TMEM176B: variants seen among roughly 807,000 people sequenced by gnomAD.
The protein encoded by TMEM176B is transmembrane protein 176B.
TMEM176B carries 28 observed loss-of-function variants against 30.3 expected under a neutral mutation model. The observed-to-expected ratio is 0.92, with a 90% CI of 0.68 to 1.27. The LOEUF (loss-of-function observed/expected upper bound fraction) is 1.27, where lower values mean the gene tolerates loss of function less well. Ranked by LOEUF, TMEM176B falls within the 50% of genes most tolerant of loss-of-function variation. TMEM176B has a pLI of 0.00. For missense variants in TMEM176B, 349 were observed against 327.4 expected (o/e 1.07, Z -0.51); for synonymous variants, 123 against 130.3 (o/e 0.94, Z 0.38).
chr7:150,801,290 C>T, upstream of TMEM176B: 1 of 429,650 alleles, frequency 2.3e-6, no homozygotes, highest in Non-Finnish European at 4.1e-6. Context: ...ATGAGGGGGA[C>T]AGAGCAGATC....
intron 3 of TMEM176B, 69 bp from the exon 4 acceptor site, chr7:150,793,669 C>A: frequency 6.6e-7 from 1 of 1,522,590 alleles, no homozygotes; most frequent in Non-Finnish European, 9.0e-7. Flanking sequence ...ACCCTCCCAC[C>A]AGCAGTTCCC....
rs113658128 is a variant in TMEM176B, at chr7:150,796,539, C to T, written c.31G>A (p.Val11Ile). The T allele has an allele frequency of 1.9e-5, 31 of 1,614,190 alleles. 1 individual carries two copies. Among genetic ancestry groups the T allele is most frequent in the African/African-American group, 1.7e-4 (13 of 75,068 alleles). Residue 11 changes from valine (V) to isoleucine (I), a missense_variant, in exon 2 of 7, where the codon GTT (valine) becomes ATT (isoleucine). Physicochemically the swap from Val to Ile is conservative, Grantham distance 29. Coordinates refer to ENST00000326442, the MANE Select transcript of TMEM176B (RefSeq NM_001101312.2). The part of the protein sequence containing the change: MTQNTVIVNG[V>I]AMASRPSQPT... ...TGGGATGGCCTAGAGGCCATAGCAACTCCATTCACAATCACCGTGTTTTGC... is the reference window on the plus strand; with the variant it reads ...TGGGATGGCCTAGAGGCCATAGCAATTCCATTCACAATCACCGTGTTTTGC...
intron 1 of TMEM176B, among the ~76,000 whole-genome samples, chr7:150,799,123 C>G (rs10230657): frequency 0.48 from 72,941 of 152,126 alleles, 17,921 homozygotes; most frequent in African/African-American, 0.58. Context: ...GACCAACCTT[C>G]GCCGTTGGGA....
chr7:150,793,543 C>T lies in TMEM176B; in HGVS notation c.372+1G>A. The T allele has an allele frequency of 6.2e-7, 1 of 1,613,272 alleles. No homozygotes were observed. The highest frequency in any genetic ancestry group is 1.1e-5 in the South Asian group (1 of 90,780). ...GTGGAGAGAGGGTGTCCAAGACTCACAGCAAGTTTGCCCGGGTGCTTCTCA... is the reference window on the plus strand; with the variant it reads ...GTGGAGAGAGGGTGTCCAAGACTCATAGCAAGTTTGCCCGGGTGCTTCTCA... On this transcript the variant is annotated splice_donor_variant, in intron 4 of 6. Coordinates refer to ENST00000326442, the MANE Select transcript of TMEM176B (RefSeq NM_001101312.2). LOFTEE classifies it high-confidence loss of function.
rs753351031 is a variant in TMEM176B at position 150,793,177 on chromosome 7, A to C, written c.511T>G (p.Phe171Val). 1.9e-6 allele frequency: 3 copies of C among 1,614,218 alleles called. No homozygotes were observed. Among genetic ancestry groups the C allele is most frequent in the Non-Finnish European group, 2.5e-6 (3 of 1,180,034 alleles). The change falls in exon 5 of 7, where the codon TTC becomes GTC. Residue 171 changes from phenylalanine (F) to valine (V), a missense_variant. Physicochemically the swap from Phe to Val is conservative, Grantham distance 50. Coordinates refer to ENST00000326442, the MANE Select transcript of TMEM176B (RefSeq NM_001101312.2). ...ATCCATCTGTACCCAGTGGTAGGGA[A>C]GACAGGGTCTGAGCGATCACACACA... ...DTVCDRSDPV[F>V]PTTGYRWMRR...
intron 1 of TMEM176B, among the ~76,000 whole-genome samples, chr7:150,799,655 C>A (rs1189654089): frequency 6.6e-6 from 1 of 152,268 alleles, no homozygotes; most frequent in Non-Finnish European, 1.5e-5. Flanking sequence ...GACAATTCCG[C>A]ACACGTACAA....
chr7:150,792,209 G>A (rs1230579000), intron 5 of TMEM176B, 34 bp from the exon 6 acceptor site: 2 of 1,609,178 alleles, frequency 1.2e-6, no homozygotes, highest in Middle Eastern at 1.6e-4. Flanking sequence ...ATAGTCAGGT[G>A]TCAGCTACTC....
At chr7:150,792,993 C>T in intron 5 of TMEM176B, 95 bp downstream of exon 5, 1 of 1,239,860 alleles carries the variant, frequency 8.1e-7, no homozygotes, top group Non-Finnish European at 1.2e-6. Flanking sequence ...GAAGTCCAAG[C>T]TCAAAGAGCC....
At chr7:150,795,267 T>G (rs1232102418) in intron 2 of TMEM176B, among the ~76,000 whole-genome samples, 1 of 152,198 alleles carries the variant, frequency 6.6e-6, no homozygotes, top group Non-Finnish European at 1.5e-5. Flanking sequence ...CGTTCAAGGC[T>G]CTCAGCAATA....
In TMEM176B at chr7:150,793,020, A is replaced by T; in HGVS notation, c.600+68T>A. On this transcript the variant is annotated intron_variant, in intron 5 of 6. Coordinates refer to ENST00000326442, the MANE Select transcript of TMEM176B (RefSeq NM_001101312.2). ...CAAAGAGCCTACATCTCTGTCCTCC[A>T]GGGCCCCCAGCTCCCTGGGAAAAAA... is the stretch of plus-strand genomic sequence containing the variant. 2.0e-6 allele frequency: 3 copies of T among 1,511,312 alleles called. No individual in the cohort carries two copies. In the South Asian group the frequency reaches 3.4e-5, roughly 17 times the overall value. 93.6% of individuals were successfully genotyped at this position (1,511,312 alleles called of 1,614,324 possible). A position where few individuals can be genotyped will look rare whatever the true frequency, so the allele number is the denominator to read the frequency against.
intron 3 of TMEM176B, 58 bp downstream of exon 3, chr7:150,793,903 G>A (rs953992702): frequency 6.4e-6 from 9 of 1,405,128 alleles, no homozygotes; most frequent in East Asian, 2.3e-5. Context: ...ATCCATAAGC[G>A]CCTTCTTGCC....
chr7:150,795,098 C>G (rs969608964), intron 2 of TMEM176B, among the ~76,000 whole-genome samples: 16 of 152,296 alleles, frequency 1.1e-4, no homozygotes, highest in African/African-American at 3.8e-4. Flanking sequence ...AGGACAGGGA[C>G]TCCTTTGTCT....
chr7:150,791,922 C>T (rs2116669424), intron 6 of TMEM176B, 134 bp downstream of exon 6: 1 of 1,320,934 alleles, frequency 7.6e-7, no homozygotes, highest in African/African-American at 1.5e-5. Context: ...AAGGGGAGAG[C>T]TGCATATGGA....
chr7:150,799,008 C>A (rs931785587), intron 1 of TMEM176B, among the ~76,000 whole-genome samples: 1 of 152,042 alleles, frequency 6.6e-6, no homozygotes, highest in African/African-American at 2.4e-5. Context: ...AAAGGACTTC[C>A]CCGTTTCGAG....
upstream of TMEM176B, chr7:150,800,970 T>A: frequency 1.0e-6 from 1 of 985,874 alleles, no homozygotes. Context: ...GGAAGCCAGG[T>A]GCGGCCCCGG....
chr7:150,793,636 C>T, intron 3 of TMEM176B, 36 bp from the exon 4 acceptor site: 1 of 1,606,848 alleles, frequency 6.2e-7, no homozygotes. Context: ...CTCCAGTTTA[C>T]TCTTCTGAAT....
At chr7:150,795,148 C>T (rs1304278641) in intron 2 of TMEM176B, among the ~76,000 whole-genome samples, 6 of 152,278 alleles carry the variant, frequency 3.9e-5, no homozygotes, top group African/African-American at 7.2e-5. Flanking sequence ...TGCAGATCCT[C>T]GATCCTTCTC....
chr7:150,797,593 C>T (rs1316148376), intron 1 of TMEM176B, among the ~76,000 whole-genome samples: 4 of 152,180 alleles, frequency 2.6e-5, no homozygotes, highest in African/African-American at 9.7e-5. Context: ...GGTGGATGTC[C>T]TCACAGAAGT....
intron 1 of TMEM176B, 69 bp from the exon 2 acceptor site, chr7:150,796,643 GA>G: frequency 6.9e-7 from 1 of 1,440,716 alleles, no homozygotes; most frequent in Non-Finnish European, 9.7e-7. Flanking sequence ...CAGCACAGGT[GA>G]AAGGAGAGAA....
Sources: allele counts gnomAD v4.1 joint callset (sites outside exome capture counted in the v4.1 genomes callset), GRCh38; gene constraint gnomAD v4.1.1; transcripts MANE v1.5; gene names NCBI Gene and HGNC (gene_info 2026-07-23, HGNC 2026-07-21).